The following ZSWIM5 variants were observed in gnomAD, a reference collection of about 807,000 sequenced individuals.
The protein encoded by ZSWIM5 is zinc finger SWIM domain-containing protein 5.
A neutral mutation model predicts 119.6 loss-of-function variants in ZSWIM5; 55 were observed. The ratio of observed to expected loss-of-function variants is 0.46; its 90% CI spans 0.37 to 0.58. The LOEUF (loss-of-function observed/expected upper bound fraction) is 0.58. ZSWIM5 is among the 20% of genes least tolerant of loss of function. The pLI, the probability that ZSWIM5 is intolerant of heterozygous loss-of-function variation, is 0.00. For missense variants in ZSWIM5, 1,193 were observed against 1,512.8 expected (o/e 0.79, Z 3.51); for synonymous variants, 537 against 606.9 (o/e 0.88, Z 1.69).
intron 5 of ZSWIM5, among the ~76,000 whole-genome samples, chr1:45,048,212 G>A (rs1010761029): frequency 6.7e-6 from 1 of 148,426 alleles, no homozygotes; most frequent in Non-Finnish European, 1.5e-5. Context: ...GCTAATTTTT[G>A]TATTTTTTGT....
intron 11 of ZSWIM5, among the ~76,000 whole-genome samples, chr1:45,032,882 TG>T (rs771192219): frequency 3.3e-5 from 5 of 152,118 alleles, no homozygotes; most frequent in African/African-American, 4.8e-5. Context: ...TTCCCATACT[TG>T]TTTTTTTGTC....
At chr1:45,107,789 CTTTT>C (rs1030792448) in intron 1 of ZSWIM5, among the ~76,000 whole-genome samples, 2 of 151,284 alleles carry the variant, frequency 1.3e-5, no homozygotes, top group Non-Finnish European at 1.5e-5. Flanking sequence ...TTCTTTCTTT[CTTTT>C]CTTTTCTTAT....
chr1:45,172,823 T>G (rs1048437036), intron 1 of ZSWIM5, among the ~76,000 whole-genome samples: 3 of 152,154 alleles, frequency 2.0e-5, no homozygotes, highest in African/African-American at 7.2e-5. Flanking sequence ...ATGCAAATCA[T>G]TCTTAAAATC....
chr1:45,189,999 A>G (rs561077584), intron 1 of ZSWIM5, among the ~76,000 whole-genome samples: 19 of 152,272 alleles, frequency 1.2e-4, no homozygotes, highest in South Asian at 6.2e-4. Flanking sequence ...GAAACGTCAC[A>G]GTAACTAGGC....
intron 2 of ZSWIM5, among the ~76,000 whole-genome samples, chr1:45,075,079 G>A (rs774535974): frequency 6.6e-6 from 1 of 151,824 alleles, no homozygotes; most frequent in Non-Finnish European, 1.5e-5. Flanking sequence ...CAGAGAAGAT[G>A]CTTATTTCAA....
intron 1 of ZSWIM5, among the ~76,000 whole-genome samples, chr1:45,148,121 G>T (rs1464039549): frequency 6.6e-6 from 1 of 152,020 alleles, no homozygotes; most frequent in Non-Finnish European, 1.5e-5. Context: ...CTCTGTCAAG[G>T]CCCAATGTGG....
chr1:45,189,385 T>TTTGCAA (rs1424499807), intron 1 of ZSWIM5, among the ~76,000 whole-genome samples: 1 of 152,018 alleles, frequency 6.6e-6, no homozygotes, highest in Non-Finnish European at 1.5e-5. Context: ...TCTGAAAACT[T>TTTGCAA]TTGCAATTAG....
intron 1 of ZSWIM5, among the ~76,000 whole-genome samples, chr1:45,202,768 A>G (rs1269910349): frequency 3.3e-5 from 5 of 152,038 alleles, no homozygotes; most frequent in African/African-American, 4.8e-5. Flanking sequence ...TTTTCCTGAG[A>G]AAAAGCAAAG....
At chr1:45,044,351 G>A (rs1645034403) in intron 5 of ZSWIM5, among the ~76,000 whole-genome samples, 1 of 151,972 alleles carries the variant, frequency 6.6e-6, no homozygotes, top group Non-Finnish European at 1.5e-5. Flanking sequence ...ACTTTGGAAG[G>A]CTGAGGCTGG....
intron 2 of ZSWIM5, among the ~76,000 whole-genome samples, chr1:45,068,792 C>CTTTTTTTTTTT (rs758235271): frequency 1.1e-4 from 5 of 46,756 alleles, no homozygotes; most frequent in Middle Eastern, 0.024. Flanking sequence ...TGTTGTATGT[C>CTTTTTTTTTTT]TTTTTTTTTT....
intron 2 of ZSWIM5, among the ~76,000 whole-genome samples, chr1:45,068,792 CTTTTTTTTTTTTTT>C (rs758235271): frequency 9.4e-4 from 44 of 46,760 alleles, no homozygotes; most frequent in African/African-American, 3.0e-3. Flanking sequence ...TGTTGTATGT[CTTTTTTTTTTTTTT>C]TTTTTTTTTT....
chr1:45,184,515 A>C lies in ZSWIM5; in HGVS notation c.595+21241T>G, dbSNP rs533200042. 4.6e-5 allele frequency among the ~76,000 whole-genome samples: 7 copies of C among 152,356 alleles called. No homozygotes were observed. In the East Asian group the frequency reaches 1.3e-3, roughly 29 times the overall value. ...CTAGGAAACCCCATTGTCTCAGCCCAAAATCTCCTTAAGCTGATAAGCAAC... is the reference window on the plus strand; with the variant it reads ...CTAGGAAACCCCATTGTCTCAGCCCCAAATCTCCTTAAGCTGATAAGCAAC... On this transcript the variant is annotated intron_variant, in intron 1 of 13. Coordinates refer to ENST00000359600, the MANE Select transcript of ZSWIM5 (RefSeq NM_020883.2).
chr1:45,161,398 T>A (rs867929532), intron 1 of ZSWIM5, among the ~76,000 whole-genome samples: 2 of 152,216 alleles, frequency 1.3e-5, no homozygotes, highest in African/African-American at 4.8e-5. Flanking sequence ...ACCTTCTCTC[T>A]GCATCCTTGC....
rs368222252 is a variant in ZSWIM5, at chr1:45,089,442, G to A, written c.596-1205C>T. Among the ~76,000 whole-genome samples the A allele has an allele frequency of 3.2e-4, 48 of 152,286 alleles. 2 individuals are homozygous for A. Among genetic ancestry groups the A allele is most frequent in the African/African-American group, 1.1e-3 (47 of 41,552 alleles). On this transcript the variant is annotated intron_variant, in intron 1 of 13. Coordinates refer to ENST00000359600, the MANE Select transcript of ZSWIM5 (RefSeq NM_020883.2). ...ATATTTGTGAAGCATCTGCTATGTA[G>A]CAGAACTGTTTTGGGTACTTTTAAT...
chr1:45,022,484 A>T (rs1330313748), intron 11 of ZSWIM5, among the ~76,000 whole-genome samples: 1 of 152,194 alleles, frequency 6.6e-6, no homozygotes, highest in African/African-American at 2.4e-5. Context: ...ATATATATGA[A>T]TAGAAAATCT....
intron 1 of ZSWIM5, among the ~76,000 whole-genome samples, chr1:45,103,750 G>A (rs1473888504): frequency 2.0e-5 from 3 of 152,196 alleles, no homozygotes; most frequent in African/African-American, 7.2e-5. Context: ...AATGTATCAG[G>A]ACATGAGTGA....
chr1:45,171,606 AT>A, intron 1 of ZSWIM5, among the ~76,000 whole-genome samples: 1 of 152,210 alleles, frequency 6.6e-6, no homozygotes, highest in African/African-American at 2.4e-5. Context: ...ACATCATACT[AT>A]TATAATTCCA....
chr1:45,040,288 A>C, intron 7 of ZSWIM5, 104 bp downstream of exon 7: 1 of 1,242,412 alleles, frequency 8.0e-7, no homozygotes, highest in Non-Finnish European at 1.1e-6. Context: ...CCACACAGCA[A>C]GGAGAATGAC....
chr1:45,192,106 T>C lies in ZSWIM5; in HGVS notation c.595+13650A>G, dbSNP rs1295585295. Among the ~76,000 whole-genome samples the C allele has an allele frequency of 2.6e-5, 4 of 152,318 alleles. No individual in the cohort carries two copies. In the South Asian group the frequency reaches 6.2e-4, roughly 24 times the overall value. ...GACATTTTGTATAAATAAAATAATA[T>C]ATGTGGCTTTTAACTTTTTTATTGT... On this transcript the variant is annotated intron_variant, in intron 1 of 13. Coordinates refer to ENST00000359600, the MANE Select transcript of ZSWIM5 (RefSeq NM_020883.2).
Sources: allele counts gnomAD v4.1 joint callset (sites outside exome capture counted in the v4.1 genomes callset), GRCh38; gene constraint gnomAD v4.1.1; transcripts MANE v1.5; gene names NCBI Gene and HGNC (gene_info 2026-07-23, HGNC 2026-07-21).